WRN: variants seen among roughly 807,000 people sequenced by gnomAD.
WRN encodes bifunctional 3'-5' exonuclease/ATP-dependent helicase WRN.
A neutral mutation model predicts 180.7 loss-of-function variants in WRN; 149 were observed. That is an observed-to-expected ratio of 0.82 (90% CI 0.72 to 0.94). The LOEUF is 0.94. Among genes scored for constraint, WRN ranks in the 40% least tolerant of loss-of-function variants. The pLI is 0.00. For missense variants in WRN, 1,661 were observed against 1,700.1 expected, an observed-to-expected ratio of 0.98 and a Z score of 0.40; for synonymous variants, 548 against 568.9, an observed-to-expected ratio of 0.96 and a Z score of 0.52.
intron 7 of WRN, among the ~76,000 whole-genome samples, chr8:31,072,117 T>C (rs866234347): frequency 6.6e-6 from 1 of 152,114 alleles, no homozygotes; most frequent in Admixed American, 6.6e-5. Context: ...GTGTTGAACA[T>C]TTGCGTGGAG....
chr8:31,161,544 G>C (rs1290180860), intron 33 of WRN, among the ~76,000 whole-genome samples: 1 of 152,046 alleles, frequency 6.6e-6, no homozygotes, highest in Non-Finnish European at 1.5e-5. Context: ...CAGTGTAAAA[G>C]ATTTTTTAAA....
chr8:31,091,545 C>CA (rs1224129074), intron 15 of WRN, among the ~76,000 whole-genome samples: 1 of 151,916 alleles, frequency 6.6e-6, no homozygotes, highest in African/African-American at 2.4e-5. Context: ...TTAATGAGTA[C>CA]AAACATACAG....
At position 31,111,598 on chromosome 8, in the gene WRN, A is replaced by C. The variant is rs200731924; in HGVS notation, c.2089-17A>C. ...TGAGCTCTTTCCTTTTTAAAATATC[A>C]GTTTTACATCATTCAGGTTCCAATC... is the stretch of plus-strand genomic sequence containing the variant. On this transcript the variant is annotated splice_polypyrimidine_tract_variant and intron_variant, in intron 18 of 34. Coordinates refer to ENST00000298139, the MANE Select transcript of WRN (RefSeq NM_000553.6). 6.2e-7 allele frequency: 1 copy of C among 1,613,564 alleles called. No homozygotes were observed. The highest frequency in any genetic ancestry group is 8.5e-7 in the Non-Finnish European group (1 of 1,179,618).
intron 1 of WRN, among the ~76,000 whole-genome samples, chr8:31,057,292 C>T (rs988346407): frequency 1.3e-5 from 2 of 151,906 alleles, no homozygotes; most frequent in African/African-American, 2.4e-5. Context: ...CTGGGCCGGG[C>T]GTGGTGGCTC....
intron 15 of WRN, 150 bp downstream of exon 15, chr8:31,091,092 G>T (rs1310967777): frequency 1.8e-5 from 13 of 714,376 alleles, no homozygotes; most frequent in Non-Finnish European, 3.2e-5. Flanking sequence ...TGACCCTTTA[G>T]TGGAAGAGCT....
chr8:31,138,223 C>A (rs1802474067), intron 24 of WRN, among the ~76,000 whole-genome samples: 2 of 152,030 alleles, frequency 1.3e-5, no homozygotes, highest in African/African-American at 2.4e-5. Context: ...AATTTGTTAA[C>A]AATATGGGTA....
intron 34 of WRN, among the ~76,000 whole-genome samples, chr8:31,170,257 CTGT>C (rs1341318356): frequency 6.6e-6 from 1 of 152,092 alleles, no homozygotes; most frequent in Non-Finnish European, 1.5e-5. Flanking sequence ...ATTAAAAGCT[CTGT>C]TGTTGCAGCT....
chr8:31,072,576 T>A (rs1373264266), intron 7 of WRN, among the ~76,000 whole-genome samples: 2 of 152,168 alleles, frequency 1.3e-5, no homozygotes, highest in Non-Finnish European at 2.9e-5. Flanking sequence ...CAAGCGATCC[T>A]CCTGCCTCAG....
At chr8:31,157,866 T>C (rs1159460702) in intron 33 of WRN, among the ~76,000 whole-genome samples, 1 of 152,126 alleles carries the variant, frequency 6.6e-6, no homozygotes, top group African/African-American at 2.4e-5. Context: ...TAGCTGGGAC[T>C]ACAGGCGTGT....
At chr8:31,043,490 A>G (rs946706250) in intron 1 of WRN, among the ~76,000 whole-genome samples, 1 of 152,182 alleles carries the variant, frequency 6.6e-6, no homozygotes, top group African/African-American at 2.4e-5. Flanking sequence ...AGGAGGGCTG[A>G]ATGGAGATTA....
chr8:31,171,187 C>T (rs547478426), intron 34 of WRN: 4 of 152,238 alleles, frequency 2.6e-5, no homozygotes, highest in Admixed American at 2.0e-4. Context: ...TGGTATTAGG[C>T]TACAACATGA....
chr8:31,152,355 C>T (rs1803171448), intron 31 of WRN, among the ~76,000 whole-genome samples: 1 of 151,136 alleles, frequency 6.6e-6, no homozygotes, highest in East Asian at 1.9e-4. Flanking sequence ...ACTATATGAA[C>T]ATGTATGGCA....
intron 31 of WRN, among the ~76,000 whole-genome samples, chr8:31,151,546 T>G (rs1303702145): frequency 6.6e-6 from 1 of 152,246 alleles, no homozygotes; most frequent in Non-Finnish European, 1.5e-5. Context: ...TATAATGTCT[T>G]AATAGTTTGA....
At chr8:31,043,445 T>C (rs1811731251) in intron 1 of WRN, among the ~76,000 whole-genome samples, 3 of 152,194 alleles carry the variant, frequency 2.0e-5, no homozygotes, top group South Asian at 2.1e-4. Context: ...GTTCCATCCA[T>C]AAAACTTTGC....
At chr8:31,097,635 C>T (rs182939090) in intron 17 of WRN, among the ~76,000 whole-genome samples, 15 of 151,974 alleles carry the variant, frequency 9.9e-5, no homozygotes, top group South Asian at 6.2e-4. Context: ...AAAAATTGGC[C>T]GAGCCTGGTG....
rs2130344241 is a variant in WRN, at chr8:31,124,902, G to A, written c.2733-6G>A. The A allele has an allele frequency of 6.2e-7, 1 of 1,611,784 alleles. No homozygotes were observed. ...TTTATTTAATTTAAAATTTTGTCTT[G>A]GGTAGAATCATCTTGTCTCATTTTG... On this transcript the variant is annotated splice_polypyrimidine_tract_variant and splice_region_variant and intron_variant, in intron 22 of 34. Transcript: ENST00000298139.
chr8:31,166,016 G>C (rs1172267589), intron 33 of WRN, among the ~76,000 whole-genome samples: 2 of 152,024 alleles, frequency 1.3e-5, no homozygotes, highest in Non-Finnish European at 2.9e-5. Context: ...TATTAGCTGT[G>C]TAACTTTCTC....
chr8:31,063,939 C>G (rs1812592757), intron 3 of WRN, among the ~76,000 whole-genome samples: 1 of 151,792 alleles, frequency 6.6e-6, no homozygotes. Context: ...ACAGGTTGGT[C>G]TTAAACTCCT....
At chr8:31,107,763 T>C (rs1192967858) in intron 18 of WRN, among the ~76,000 whole-genome samples, 1 of 152,204 alleles carries the variant, frequency 6.6e-6, no homozygotes, top group Non-Finnish European at 1.5e-5. Context: ...GATTCCTATT[T>C]GGAAGGAATC....
Sources: gnomAD v4.1 joint callset for allele counts (sites outside exome capture counted in the v4.1 genomes callset) on GRCh38, gnomAD v4.1.1 for gene constraint, MANE v1.5 for transcripts, NCBI Gene and HGNC (gene_info 2026-07-23, HGNC 2026-07-21) for gene names.